Variants in TAF1B observed in about 807,000 individuals in gnomAD.
TAF1B encodes the protein TATA box-binding protein-associated factor RNA polymerase I subunit B.
A neutral mutation model predicts 83.9 loss-of-function variants in TAF1B; 61 were observed. That is an observed-to-expected ratio of 0.73 (90% CI 0.59 to 0.90). The LOEUF (loss-of-function observed/expected upper bound fraction) is 0.90. Among genes scored for constraint, TAF1B ranks in the 40% least tolerant of loss-of-function variants. TAF1B has a pLI of 0.00. For synonymous variants in TAF1B, 221 were observed against 224.6 expected (o/e 0.98, Z 0.14); for missense variants, 625 against 677.0 (o/e 0.92, Z 0.85).
intron 5 of TAF1B, among the ~76,000 whole-genome samples, chr2:9,855,637 T>C (rs1437381926): frequency 6.6e-6 from 1 of 151,978 alleles, no homozygotes. Context: ...TGAGCTGTGA[T>C]CACACCACTG....
chr2:9,849,503 T>G (rs1663316443), intron 3 of TAF1B, 43 bp downstream of exon 3: 8 of 1,372,942 alleles, frequency 5.8e-6, no homozygotes, highest in Non-Finnish European at 7.8e-6. Flanking sequence ...TTTATTCACA[T>G]CTTTCACCTT....
In TAF1B at chr2:9,914,180, A is replaced by G. The variant is rs12185679; in HGVS notation, c.1271+931A>G. Among the ~76,000 whole-genome samples, 78,195 of 152,048 alleles carry G rather than the reference A, an allele frequency of 0.51. 23,116 individuals carry two copies. The highest frequency in any genetic ancestry group is 0.68 in the Non-Finnish European group (45,929 of 67,982). The stretch of plus-strand genomic sequence containing the variant: ...AAATAGAAAAACAGACTCTTGGGGT[A>G]GAAAAGGCACTGTGGAGATGATCCT... On this transcript the variant is annotated intron_variant, in intron 12 of 14. Coordinates refer to ENST00000263663, the MANE Select transcript of TAF1B (RefSeq NM_005680.3). This position sits in a 1 kb window ranked among gnomAD's most constrained non-coding sequence, Gnocchi z 4.3.
intron 8 of TAF1B, among the ~76,000 whole-genome samples, chr2:9,887,946 G>C (rs1664730336): frequency 6.6e-6 from 1 of 151,886 alleles, no homozygotes; most frequent in African/African-American, 2.4e-5. Context: ...TCAAACTCCT[G>C]GGCTTAAGCA....
rs1445306546 is a variant in TAF1B, at chr2:9,918,955, T to G, written c.1272-86T>G. 3 of 1,149,690 alleles carry G rather than the reference T, an allele frequency of 2.6e-6. No homozygotes were observed. In the African/African-American group the frequency reaches 4.6e-5, roughly 18 times the overall value. 71.2% of individuals were successfully genotyped at this position (1,149,690 alleles called of 1,614,324 possible). On this transcript the variant is annotated intron_variant, in intron 12 of 14. Transcript: ENST00000263663. Reference sequence around the variant, plus strand: ...TCCAAGCCAGAGCTATAACGAAATATCAGAAATCTCAGATAGTGCTTCAGA... The same window carrying G: ...TCCAAGCCAGAGCTATAACGAAATAGCAGAAATCTCAGATAGTGCTTCAGA...
intron 8 of TAF1B, among the ~76,000 whole-genome samples, chr2:9,901,777 T>G (rs1335538397): frequency 6.6e-6 from 1 of 152,168 alleles, no homozygotes; most frequent in Non-Finnish European, 1.5e-5. Context: ...GAAGACACCT[T>G]CTTTTCAAAG....
intron 8 of TAF1B, 40 bp downstream of exon 8, chr2:9,882,845 GC>G: frequency 2.2e-6 from 3 of 1,384,362 alleles, no homozygotes; most frequent in Non-Finnish European, 3.0e-6. Context: ...CTCTGATAAG[GC>G]ACAAGAGTGG....
rs377469755 is a variant in TAF1B, at chr2:9,910,788, A to G, written c.1008A>G (p.Glu336=). The change falls in exon 10 of 15, where the codon GAA becomes GAG. Residue 336 remains glutamate (E), a synonymous_variant. Coordinates refer to ENST00000263663, the MANE Select transcript of TAF1B (RefSeq NM_005680.3). ...CHVVKMTGMG[E]VDFLTFDPIA... is the part of the protein sequence containing the mutation. ...TGGTAAAAATGACTGGAATGGGAGA[A>G]GTGGATTTTCTGACATTTGATCCTA... 8.1e-6 allele frequency: 13 copies of G among 1,613,562 alleles called. No homozygotes were observed. The highest frequency in any genetic ancestry group is 1.3e-5 in the African/African-American group (1 of 74,938).
chr2:9,861,342 G>A (rs1008204649), intron 5 of TAF1B, among the ~76,000 whole-genome samples: 13 of 152,240 alleles, frequency 8.5e-5, no homozygotes, highest in African/African-American at 2.4e-4. Context: ...ATGGAGCCTC[G>A]CTGATTGCTA....
rs532108939 is a variant in TAF1B at position 9,920,840 on chromosome 2, G to C, written c.1565+1020G>C. ...CAACACGCGCTTTTATGGTTATTGG[G>C]TCTGGATAAAATAGGACTAAAGATG... On this transcript the variant is annotated intron_variant, in intron 14 of 14. Transcript: ENST00000263663. Among the ~76,000 whole-genome samples the C allele has an allele frequency of 9.3e-4, 141 of 152,252 alleles. 1 individual carries two copies. The highest frequency in any genetic ancestry group is 1.2e-3 in the Non-Finnish European group (80 of 68,026).
intron 13 of TAF1B, 101 bp downstream of exon 13, chr2:9,919,212 T>C (rs1395231212): frequency 5.1e-6 from 5 of 977,918 alleles, no homozygotes; most frequent in Admixed American, 2.2e-5. Context: ...TTTTACTTTT[T>C]TTAAACAAAT....
rs1006673399 is a variant in TAF1B at position 9,914,660 on chromosome 2, G to A, written c.1271+1411G>A. Reference sequence around the variant, plus strand: ...CTTACCGGCTTTTAGCTACTTTAGGGAATAATTTATTGGCCAAAGAAAGTA... The same window carrying A: ...CTTACCGGCTTTTAGCTACTTTAGGAAATAATTTATTGGCCAAAGAAAGTA... On this transcript the variant is annotated intron_variant, in intron 12 of 14. Coordinates refer to ENST00000263663, the MANE Select transcript of TAF1B (RefSeq NM_005680.3). This position sits in a 1 kb window ranked among gnomAD's most constrained non-coding sequence, Gnocchi z 4.3. Among the ~76,000 whole-genome samples the A allele has an allele frequency of 1.3e-5, 2 of 152,180 alleles. No individual in the cohort carries two copies. Among genetic ancestry groups the A allele is most frequent in the Non-Finnish European group, 2.9e-5 (2 of 68,034 alleles).
intron 7 of TAF1B, among the ~76,000 whole-genome samples, chr2:9,880,714 T>C (rs1348286027): frequency 6.6e-6 from 1 of 152,048 alleles, no homozygotes; most frequent in Non-Finnish European, 1.5e-5. Context: ...ATCTCTTACT[T>C]ATCTCTGCAG....
intron 12 of TAF1B, among the ~76,000 whole-genome samples, chr2:9,916,623 T>G (rs886876835): frequency 6.6e-6 from 1 of 152,174 alleles, no homozygotes; most frequent in African/African-American, 2.4e-5. Context: ...CCTTTGAGAT[T>G]TTATTATTTA....
intron 8 of TAF1B, among the ~76,000 whole-genome samples, chr2:9,885,010 T>G (rs538453016): frequency 6.5e-4 from 99 of 152,360 alleles, no homozygotes; most frequent in Admixed American, 4.8e-3. Flanking sequence ...GTCCATTTCC[T>G]TCTGGCTCAG....
chr2:9,849,251 T>G, intron 2 of TAF1B, 122 bp from the exon 3 acceptor site: 1 of 647,510 alleles, frequency 1.5e-6, no homozygotes, highest in Non-Finnish European at 2.6e-6. Context: ...TTCCCAAGAT[T>G]TTACCATCCT....
intron 9 of TAF1B, among the ~76,000 whole-genome samples, chr2:9,906,447 AT>A (rs2125170011): frequency 6.6e-6 from 1 of 152,376 alleles, no homozygotes; most frequent in East Asian, 1.9e-4. Context: ...TTCAATAGAA[AT>A]AATTTGAAAT....
At chr2:9,874,497 C>T (rs554763367) in intron 6 of TAF1B, among the ~76,000 whole-genome samples, 13 of 151,632 alleles carry the variant, frequency 8.6e-5, no homozygotes, top group African/African-American at 3.1e-4. Context: ...GTCTCGCATT[C>T]TTGGGCTCAA....
Position 9,911,488 on chromosome 2 carries a change from GATTT to G in TAF1B, c.1134-22_1134-19del. 1 of 1,484,488 alleles carries G rather than the reference GATTT, an allele frequency of 6.7e-7. No individual in the cohort carries two copies. The highest frequency in any genetic ancestry group is 1.4e-5 in the African/African-American group (1 of 69,542). 92.0% of individuals were successfully genotyped at this position (1,484,488 alleles called of 1,614,324 possible). A position where few individuals can be genotyped will look rare whatever the true frequency, so the allele number is the denominator to read the frequency against. On this transcript the variant is annotated intron_variant, in intron 10 of 14. Transcript: ENST00000263663. The stretch of plus-strand genomic sequence containing the variant: ...CAAATACATGACTTCTAAATAAATT[GATTT>G]GTTTATTGTTATCTCCAGGTCTTTG...
At chr2:9,919,544 A>T in intron 13 of TAF1B, 54 bp from the exon 14 acceptor site, 1 of 1,490,478 alleles carries the variant, frequency 6.7e-7, no homozygotes, top group Non-Finnish European at 9.4e-7. Context: ...TCCAGGCTTT[A>T]TTTGTGATTT....
Sources: allele counts gnomAD v4.1 joint callset (sites outside exome capture counted in the v4.1 genomes callset), GRCh38; gene constraint gnomAD v4.1.1; non-coding constraint Gnocchi (gnomAD v3.1); transcripts MANE v1.5; gene names NCBI Gene and HGNC (gene_info 2026-07-23, HGNC 2026-07-21).